RSKR: variants seen among roughly 807,000 people sequenced by gnomAD.
The protein encoded by RSKR is ribosomal protein S6 kinase related, also known as ribosomal protein S6 kinase-related protein.
Under a neutral mutation model 56.8 loss-of-function variants are expected in RSKR, and 44 were observed. That is an observed-to-expected ratio of 0.77 (90% CI 0.61 to 1.00). The LOEUF (loss-of-function observed/expected upper bound fraction) is 1.00, where lower values mean the gene tolerates loss of function less well. RSKR is among the 50% of genes least tolerant of loss of function. The probability of loss-of-function intolerance (pLI) is 0.00; values close to 1 mark genes in which losing one functional copy is unlikely to be tolerated. For synonymous variants in RSKR, 181 were observed against 188.0 expected, an observed-to-expected ratio of 0.96 and a Z score of 0.30; for missense variants, 510 against 506.9, an observed-to-expected ratio of 1.01 and a Z score of -0.06.
intron 1 of RSKR, 159 bp downstream of exon 1, chr17:28,613,928 C>T (rs1394903846): frequency 2.0e-6 from 2 of 1,006,688 alleles, no homozygotes; most frequent in Admixed American, 2.5e-5. Flanking sequence ...GTACAGCCTG[C>T]ACCTCAGTAT....
Position 28,610,633 on chromosome 17 carries a change from G to A in RSKR, c.1078C>T (p.Arg360Trp), listed in dbSNP as rs573448139. The stretch of plus-strand genomic sequence containing the variant: ...AGCTCTGGGTCGAAGGCCACACCCC[G>A]AAAGAAAGGGTGGACCTGGAAGTGA... ...LHHFQVHPFFRGVAFDPELLQ... is the reference protein window; with the variant it reads ...LHHFQVHPFFWGVAFDPELLQ... The change falls in exon 12 of 12, where the codon CGG becomes TGG. Residue 360 changes from arginine to tryptophan, a missense_variant. By Grantham distance (101) the Arg-to-Trp change is moderately radical. Coordinates refer to ENST00000301037, the MANE Select transcript of RSKR (RefSeq NM_001174103.2). 4.6e-6 allele frequency: 7 copies of A among 1,536,058 alleles called. No individual in the cohort carries two copies. The highest frequency in any genetic ancestry group is 4.9e-5 in the East Asian group (2 of 40,902).
At position 28,610,198 on chromosome 17, in the gene RSKR, G is replaced by GT. The variant is rs2070792481; in HGVS notation, c.*279_*280insA. 4.1e-5 allele frequency: 16 copies of GT among 386,858 alleles called. No homozygotes were observed. The highest frequency in any genetic ancestry group is 1.0e-4 in the African/African-American group (5 of 49,874). The allele number at this position is 386,858 out of a possible 1,614,324, so 24.0% of individuals were successfully genotyped here. ...GAAGCAGCTCTGGCTGACAGCCTGAGGGTAAAGAGCACTGGAGAAGTAAAG... is the reference window on the plus strand; with the variant it reads ...GAAGCAGCTCTGGCTGACAGCCTGAGTGGTAAAGAGCACTGGAGAAGTAAAG... On this transcript the variant is annotated 3_prime_UTR_variant, in exon 12 of 12. Transcript: ENST00000301037.
chr17:28,612,115 G>A (rs1179253847), intron 6 of RSKR, 31 bp from the exon 7 acceptor site: 1 of 1,612,860 alleles, frequency 6.2e-7, no homozygotes, highest in East Asian at 2.2e-5. Flanking sequence ...GTATGCTGCA[G>A]CTTTTCTGTC....
intron 7 of RSKR, 29 bp downstream of exon 7, chr17:28,612,015 G>A (rs781294235): frequency 6.2e-7 from 1 of 1,614,014 alleles, no homozygotes; most frequent in South Asian, 1.1e-5. Context: ...CTCTTTCTCA[G>A]ACAAAGGGAA....
At chr17:28,611,306 G>T in intron 10 of RSKR, 53 bp from the exon 11 acceptor site, 1 of 1,529,840 alleles carries the variant, frequency 6.5e-7, no homozygotes, top group South Asian at 1.2e-5. Context: ...TTCCTTAGTA[G>T]GAATACGGCA....
At chr17:28,613,918 G>A (rs2070866618) in intron 1 of RSKR, 169 bp downstream of exon 1, 2 of 996,088 alleles carry the variant, frequency 2.0e-6, no homozygotes, top group Non-Finnish European at 2.9e-6. Flanking sequence ...CGCATTAAGA[G>A]TACAGCCTGC....
In RSKR at chr17:28,614,143, G is replaced by T. The variant is rs199620526; in HGVS notation, c.19C>A (p.Arg7=). 1 of 1,613,504 alleles carries T rather than the reference G, an allele frequency of 6.2e-7. No individual in the cohort carries two copies. Among genetic ancestry groups the T allele is most frequent in the Non-Finnish European group, 8.5e-7 (1 of 1,179,956 alleles). Reference sequence around the variant, plus strand: ...CCCTGCTGGGTGTGCTGCCCCTGCCGACAGCTTACTGCTCCCATTCCCAGC... The same window carrying T: ...CCCTGCTGGGTGTGCTGCCCCTGCCTACAGCTTACTGCTCCCATTCCCAGC... MGAVSC[R]QGQHTQQGEH... The change falls in exon 1 of 12, where the codon CGG becomes AGG. Residue 7 remains arginine, a synonymous_variant. Transcript: ENST00000301037.
chr17:28,612,232 C>T (rs866147689), intron 6 of RSKR, 30 bp downstream of exon 6: 1 of 1,609,300 alleles, frequency 6.2e-7, no homozygotes, highest in Middle Eastern at 1.7e-4. Context: ...AATCTTCCCT[C>T]CCCATTTCCT....
In RSKR at chr17:28,611,080, T is replaced by C. The variant is rs1402761917; in HGVS notation, c.1011+63A>G. ...TGAGAGGAATGGGGAAAAATCACTT[T>C]AATGAAGGCAGGAGAGCATTAATGG... On this transcript the variant is annotated intron_variant, in intron 11 of 11. Coordinates refer to ENST00000301037, the MANE Select transcript of RSKR (RefSeq NM_001174103.2). The C allele has an allele frequency of 1.9e-5, 27 of 1,412,842 alleles. 1 individual carries two copies. In the South Asian group the frequency reaches 3.3e-4, roughly 18 times the overall value. 87.5% of individuals were successfully genotyped at this position (1,412,842 alleles called of 1,614,324 possible). A position where few individuals can be genotyped will look rare whatever the true frequency, so the allele number is the denominator to read the frequency against.
At position 28,613,232 on chromosome 17, in the gene RSKR, C is replaced by G. The variant is rs772655703; in HGVS notation, c.408+30G>C. The G allele has an allele frequency of 9.3e-6, 15 of 1,613,872 alleles. No individual in the cohort carries two copies. The South Asian group carries it at 1.5e-4, about 17-fold the overall frequency. On this transcript the variant is annotated intron_variant, in intron 3 of 11. Coordinates refer to ENST00000301037, the MANE Select transcript of RSKR (RefSeq NM_001174103.2). The stretch of plus-strand genomic sequence containing the variant: ...ACCTCTCTGGAATCAAGATTGGAAA[C>G]AGAGACTAATGTGGTATCTACGCCC...
chr17:28,614,180 C>G lies in RSKR; in HGVS notation c.-19G>C. Reference sequence around the variant, plus strand: ...CTCCCATTCCCAGCCTCTGCCTCCTCTCTCTGCTAAATCTGCTGTCCCAGT... The same window carrying G: ...CTCCCATTCCCAGCCTCTGCCTCCTGTCTCTGCTAAATCTGCTGTCCCAGT... On this transcript the variant is annotated 5_prime_UTR_variant, in exon 1 of 12. Transcript: ENST00000301037. 1 of 1,612,810 alleles carries G rather than the reference C, an allele frequency of 6.2e-7. No individual in the cohort carries two copies. Among genetic ancestry groups the G allele is most frequent in the Non-Finnish European group, 8.5e-7 (1 of 1,179,936 alleles).
In RSKR at chr17:28,612,282, G is replaced by T; in HGVS notation, c.632C>A (p.Ala211Asp). The change falls in exon 6 of 12, where the codon GCC (alanine) becomes GAC (aspartate). Residue 211 changes from alanine to aspartate, a missense_variant. Coordinates refer to ENST00000301037, the MANE Select transcript of RSKR (RefSeq NM_001174103.2). ...FPEASIRLFAAELVLVLCYLH... is the reference protein window; with the variant it reads ...FPEASIRLFADELVLVLCYLH... ...CTTACACAGTACCAGCACCAACTCG[G>T]CAGCAAAGAGACGGATGGAAGCCTC... is the stretch of plus-strand genomic sequence containing the variant. 6.2e-7 allele frequency: 1 copy of T among 1,614,118 alleles called. No homozygotes were observed. The highest frequency in any genetic ancestry group is 2.2e-5 in the East Asian group (1 of 44,878).
chr17:28,613,986 T>G, intron 1 of RSKR, 101 bp downstream of exon 1: 1 of 1,467,408 alleles, frequency 6.8e-7, no homozygotes, highest in Non-Finnish European at 9.3e-7. Context: ...CACCCCCACA[T>G]TGGGTAATCA....
chr17:28,612,404 G>A, intron 5 of RSKR, 38 bp from the exon 6 acceptor site: 1 of 1,592,426 alleles, frequency 6.3e-7, no homozygotes, highest in Non-Finnish European at 8.6e-7. Flanking sequence ...ATTGCCAGAA[G>A]TCTAGGCAAT....
In RSKR at chr17:28,614,165, C is replaced by T. The variant is rs369388511; in HGVS notation, c.-4G>A. 6.2e-7 allele frequency: 1 copy of T among 1,613,286 alleles called. No individual in the cohort carries two copies. Among genetic ancestry groups the T allele is most frequent in the East Asian group, 2.2e-5 (1 of 44,886 alleles). On this transcript the variant is annotated 5_prime_UTR_variant, in exon 1 of 12. Coordinates refer to ENST00000301037, the MANE Select transcript of RSKR (RefSeq NM_001174103.2). ...GCCGACAGCTTACTGCTCCCATTCCCAGCCTCTGCCTCCTCTCTCTGCTAA... is the reference window on the plus strand; with the variant it reads ...GCCGACAGCTTACTGCTCCCATTCCTAGCCTCTGCCTCCTCTCTCTGCTAA...
intron 1 of RSKR, 146 bp downstream of exon 1, chr17:28,613,941 G>A: frequency 2.8e-6 from 3 of 1,080,948 alleles, no homozygotes; most frequent in Non-Finnish European, 4.0e-6. Context: ...CTCAGTATTG[G>A]GCTGTGATGC....
rs763599515 is a variant in RSKR, at chr17:28,612,689, T to C, written c.478-2A>G. On this transcript the variant is annotated splice_acceptor_variant, in intron 4 of 11. Coordinates refer to ENST00000301037, the MANE Select transcript of RSKR (RefSeq NM_001174103.2). LOFTEE classifies it high-confidence loss of function. ...TACAAAGGGATGGTTGATCTGTCGC[T>C]AGGAACAAAGAAAACAGGAAGTTAG... 1.4e-4 allele frequency: 221 copies of C among 1,613,870 alleles called. No individual in the cohort carries two copies. The highest frequency in any genetic ancestry group is 1.8e-4 in the Admixed American group (11 of 59,996).
rs891332070 is a variant in RSKR, at chr17:28,614,164, C to G, written c.-3G>C. On this transcript the variant is annotated 5_prime_UTR_variant, in exon 1 of 12. Coordinates refer to ENST00000301037, the MANE Select transcript of RSKR (RefSeq NM_001174103.2). ...TGCCGACAGCTTACTGCTCCCATTC[C>G]CAGCCTCTGCCTCCTCTCTCTGCTA... 8 of 1,613,274 alleles carry G rather than the reference C, an allele frequency of 5.0e-6. No homozygotes were observed. The highest frequency in any genetic ancestry group is 6.8e-6 in the Non-Finnish European group (8 of 1,179,962).
chr17:28,613,441 T>C lies in RSKR; in HGVS notation c.323A>G (p.Lys108Arg). ...CACTCAGGGATTCCACTGACTTACC[T>C]TCAGCTGCTGCTGCCCCCTAATGGG... ...IRPIRGQQQLKILGLVAKGSF... is the reference protein window; with the variant it reads ...IRPIRGQQQLRILGLVAKGSF... Residue 108 changes from lysine to arginine, a missense_variant and splice_region_variant, in exon 2 of 12, where the codon AAG (lysine) becomes AGG (arginine). Transcript: ENST00000301037. The C allele has an allele frequency of 6.2e-7, 1 of 1,614,210 alleles. No homozygotes were observed. Among genetic ancestry groups the C allele is most frequent in the Non-Finnish European group, 8.5e-7 (1 of 1,180,034 alleles).
Sources: gnomAD v4.1 joint callset for allele counts on GRCh38, gnomAD v4.1.1 for gene constraint, MANE v1.5 for transcripts, NCBI Gene and HGNC (gene_info 2026-07-23, HGNC 2026-07-21) for gene names.